The following ANO2 variants were observed in gnomAD, a reference collection of about 807,000 sequenced individuals.
ANO2 encodes the protein anoctamin 2.
A neutral mutation model predicts 124.2 loss-of-function variants in ANO2; 101 were observed. The observed-to-expected ratio is 0.81, with a 90% CI of 0.69 to 0.96. The LOEUF (loss-of-function observed/expected upper bound fraction) is 0.96, where lower values mean the gene tolerates loss of function less well. Ranked by LOEUF, ANO2 falls within the 40% of genes least tolerant of loss-of-function variation. The pLI is 0.00. For missense variants in ANO2, 1,293 were observed against 1,274.5 expected (o/e 1.01, Z -0.22); for synonymous variants, 486 against 482.5 (o/e 1.01, Z -0.09).
chr12:5,670,082 C>T (rs251766), intron 14 of ANO2, among the ~76,000 whole-genome samples: 152,243 of 152,274 alleles, frequency 1, 76,106 homozygotes, highest in Non-Finnish European at 1. Context: ...CAGAGCATAC[C>T]GCCAAGAGCA....
At chr12:5,713,549 C>T (rs888838791) in intron 14 of ANO2, among the ~76,000 whole-genome samples, 1 of 152,118 alleles carries the variant, frequency 6.6e-6, no homozygotes, top group Non-Finnish European at 1.5e-5. Flanking sequence ...CCAACATTGT[C>T]ATCGGCATTG....
Position 5,773,180 on chromosome 12 carries a change from C to G in ANO2, c.1056-22210G>C, listed in dbSNP as rs1952134424. On this transcript the variant is annotated intron_variant, in intron 10 of 24. Coordinates refer to ENST00000682330, the MANE Select transcript of ANO2 (RefSeq NM_001364791.2). ...CCCTCTCTGGGTTCTGTAGTCACTC[C>G]TTCTCTTGTCCCTTCCTGCCAGAGG... Among the ~76,000 whole-genome samples the G allele has an allele frequency of 2.6e-5, 4 of 152,372 alleles. No individual in the cohort carries two copies. The South Asian group carries it at 8.3e-4, about 32-fold the overall frequency.
chr12:5,623,357 C>A (rs1298497511), intron 16 of ANO2, among the ~76,000 whole-genome samples: 1 of 152,144 alleles, frequency 6.6e-6, no homozygotes, highest in African/African-American at 2.4e-5. Flanking sequence ...GAAAGTTTCA[C>A]CTGCTTCCAA....
chr12:5,761,033 C>A (rs1440355565), intron 10 of ANO2, among the ~76,000 whole-genome samples: 1 of 141,836 alleles, frequency 7.1e-6, no homozygotes, highest in Non-Finnish European at 1.5e-5. Context: ...AGCTCCAGGA[C>A]GTCCCAAATT....
intron 14 of ANO2, among the ~76,000 whole-genome samples, chr12:5,690,132 T>G (rs191815357): frequency 6.6e-6 from 1 of 152,062 alleles, no homozygotes; most frequent in Admixed American, 6.5e-5. Flanking sequence ...GAGTTAATGA[T>G]GAAGTCACTC....
chr12:5,928,574 G>T (rs1234761956), intron 1 of ANO2, among the ~76,000 whole-genome samples: 1 of 149,492 alleles, frequency 6.7e-6, no homozygotes, highest in African/African-American at 2.5e-5. Flanking sequence ...TTTCTTACCA[G>T]TCTTCCTTCC....
At chr12:5,790,771 C>T (rs1027860694) in intron 10 of ANO2, among the ~76,000 whole-genome samples, 2 of 152,176 alleles carry the variant, frequency 1.3e-5, no homozygotes, top group African/African-American at 4.8e-5. Flanking sequence ...CTTCAAGCTC[C>T]CATTTTCCCC....
intron 4 of ANO2, among the ~76,000 whole-genome samples, chr12:5,846,869 C>T (rs1954700150): frequency 1.3e-5 from 2 of 152,104 alleles, no homozygotes; most frequent in Admixed American, 1.3e-4. Flanking sequence ...GATCTTTTTT[C>T]CAAATAAGAT....
chr12:5,661,970 T>C (rs1232948802), intron 14 of ANO2, among the ~76,000 whole-genome samples: 1 of 152,234 alleles, frequency 6.6e-6, no homozygotes, highest in East Asian at 1.9e-4. Flanking sequence ...GGATCCGCCA[T>C]GTCAGCTGTC....
chr12:5,679,592 C>G (rs886656746), intron 14 of ANO2, among the ~76,000 whole-genome samples: 12 of 152,210 alleles, frequency 7.9e-5, no homozygotes, highest in African/African-American at 2.9e-4. Context: ...AATGAGATAC[C>G]ATCACATGCC....
At chr12:5,693,018 C>T (rs746020747) in intron 14 of ANO2, among the ~76,000 whole-genome samples, 2 of 152,162 alleles carry the variant, frequency 1.3e-5, no homozygotes, top group African/African-American at 2.4e-5. Flanking sequence ...ATCTCACTAG[C>T]CGCTTCTGCT....
chr12:5,592,386 C>A (rs368761636), intron 20 of ANO2, among the ~76,000 whole-genome samples: 10 of 151,888 alleles, frequency 6.6e-5, no homozygotes, highest in Admixed American at 2.0e-4. Context: ...GTGCCAAGGG[C>A]AAATGTGTCT....
chr12:5,649,942 C>T (rs970478502), intron 14 of ANO2, among the ~76,000 whole-genome samples: 3 of 152,176 alleles, frequency 2.0e-5, no homozygotes, highest in Non-Finnish European at 4.4e-5. Context: ...AGCCACTGCA[C>T]CCAGCCACCT....
chr12:5,922,501 GTC>G (rs1941752608), intron 2 of ANO2, 117 bp downstream of exon 2: 2 of 1,150,200 alleles, frequency 1.7e-6, no homozygotes, highest in Non-Finnish European at 2.4e-6. Context: ...CCAAACCTAG[GTC>G]TCTCTCTTTC....
intron 14 of ANO2, among the ~76,000 whole-genome samples, chr12:5,685,021 G>A (rs958045532): frequency 2.6e-5 from 4 of 152,172 alleles, no homozygotes; most frequent in African/African-American, 9.6e-5. Context: ...TAGTTCCTAG[G>A]CACATAGTAG....
chr12:5,852,101 G>C (rs1194194173), intron 4 of ANO2: 3 of 662,396 alleles, frequency 4.5e-6, no homozygotes, highest in Admixed American at 4.4e-5. Context: ...AGAAGAAAGA[G>C]GAGATAGGGT....
chr12:5,748,155 G>A (rs1591565141), intron 11 of ANO2, among the ~76,000 whole-genome samples: 1 of 152,228 alleles, frequency 6.6e-6, no homozygotes, highest in African/African-American at 2.4e-5. Context: ...GTGCATAGAC[G>A]TCTATCGTTG....
intron 19 of ANO2, among the ~76,000 whole-genome samples, chr12:5,607,345 G>A (rs1201052015): frequency 1.3e-5 from 2 of 151,948 alleles, no homozygotes; most frequent in East Asian, 3.9e-4. Context: ...TTCCTCCGAT[G>A]TCCACATTTT....
chr12:5,564,927 G>A (rs1430799585), intron 24 of ANO2, among the ~76,000 whole-genome samples: 3 of 152,152 alleles, frequency 2.0e-5, no homozygotes, highest in Non-Finnish European at 2.9e-5. Context: ...ATCTGGGCTC[G>A]TTCTCCAGCC....
Sources: allele counts gnomAD v4.1 joint callset (sites outside exome capture counted in the v4.1 genomes callset), GRCh38; gene constraint gnomAD v4.1.1; transcripts MANE v1.5; gene names NCBI Gene and HGNC (gene_info 2026-07-23, HGNC 2026-07-21).